SIK3: variants seen among roughly 807,000 people sequenced by gnomAD.
SIK3 encodes SIK family kinase 3.
In SIK3, 28 loss-of-function variants were observed where a neutral mutation model predicts 144.2. That is an observed-to-expected ratio of 0.19 (90% CI 0.14 to 0.27). The LOEUF (loss-of-function observed/expected upper bound fraction) is 0.27, where lower values mean the gene tolerates loss of function less well. SIK3 is among the 10% of genes least tolerant of loss of function. The pLI is 1.00. For missense variants in SIK3, 1,319 were observed against 1,776.0 expected, an observed-to-expected ratio of 0.74 and a Z score of 4.62; for synonymous variants, 686 against 676.3, an observed-to-expected ratio of 1.01 and a Z score of -0.22.
intron 3 of SIK3, among the ~76,000 whole-genome samples, chr11:116,927,718 A>G (rs1447560507): frequency 6.6e-6 from 1 of 152,206 alleles, no homozygotes; most frequent in Non-Finnish European, 1.5e-5. Context: ...CACAGACATG[A>G]GCAAACACAC....
chr11:117,056,705 T>G (rs1237480312), intron 1 of SIK3, among the ~76,000 whole-genome samples: 1 of 152,100 alleles, frequency 6.6e-6, no homozygotes, highest in East Asian at 1.9e-4. Context: ...TGGAGGATGG[T>G]CTGGCCAACT....
intron 1 of SIK3, among the ~76,000 whole-genome samples, chr11:117,023,621 A>AAAAATATATATATATATAT (rs754624841): frequency 9.4e-5 from 9 of 95,398 alleles, no homozygotes; most frequent in African/African-American, 2.6e-4. Flanking sequence ...AAAAAAAAAA[A>AAAAATATATATATATATAT]ATATATATAT....
At chr11:117,050,725 TAAATA>T (rs1183935053) in intron 1 of SIK3, among the ~76,000 whole-genome samples, 1 of 151,944 alleles carries the variant, frequency 6.6e-6, no homozygotes, top group African/African-American at 2.4e-5. Context: ...AACAGATAAA[TAAATA>T]AATAGTTTTT....
chr11:117,022,541 G>A (rs931438824), intron 1 of SIK3, among the ~76,000 whole-genome samples: 13 of 152,084 alleles, frequency 8.5e-5, no homozygotes, highest in African/African-American at 2.9e-4. Context: ...ACACCACTAA[G>A]CAGAAAGGAG....
At chr11:117,082,246 A>AGTC (rs1220721423) in intron 1 of SIK3, among the ~76,000 whole-genome samples, 6 of 152,344 alleles carry the variant, frequency 3.9e-5, no homozygotes, top group Non-Finnish European at 8.8e-5. Flanking sequence ...TTAAACAAGG[A>AGTC]GTCACCACAT....
intron 1 of SIK3, among the ~76,000 whole-genome samples, chr11:116,974,889 T>A (rs1949891874): frequency 6.6e-6 from 1 of 152,192 alleles, no homozygotes; most frequent in Non-Finnish European, 1.5e-5. Context: ...TGGCCTGTAC[T>A]GCCAGAAAGC....
chr11:116,950,773 A>G (rs1948897493), intron 3 of SIK3, among the ~76,000 whole-genome samples: 1 of 151,716 alleles, frequency 6.6e-6, no homozygotes, highest in Non-Finnish European at 1.5e-5. Context: ...CTTTTGACAG[A>G]AGGAAGCCCT....
chr11:116,997,207 T>C (rs1277110962), intron 1 of SIK3, among the ~76,000 whole-genome samples: 2 of 152,210 alleles, frequency 1.3e-5, no homozygotes, highest in Non-Finnish European at 2.9e-5. Flanking sequence ...CCTTGGCAAC[T>C]AGTTTAAGAG....
At chr11:116,882,517 C>T (rs904879352) in intron 6 of SIK3, among the ~76,000 whole-genome samples, 1 of 152,130 alleles carries the variant, frequency 6.6e-6, no homozygotes, top group African/African-American at 2.4e-5. Context: ...CAGAACATGG[C>T]AAAACAATCC....
chr11:117,005,014 A>G (rs1950988467), intron 1 of SIK3, among the ~76,000 whole-genome samples: 1 of 152,238 alleles, frequency 6.6e-6, no homozygotes, highest in Non-Finnish European at 1.5e-5. Flanking sequence ...TTAAGGGCAC[A>G]GCCAGGCAGG....
chr11:116,927,231 T>C lies in SIK3; in HGVS notation c.604A>G (p.Ile202Val). The change falls in exon 4 of 25, where the codon ATC becomes GTC. Residue 202 changes from isoleucine to valine, a missense_variant. Ile to Val is a conservative substitution (Grantham distance 29, BLOSUM62 3). Transcript: ENST00000445177. ...ENLLLDANLN[I>V]KIADFGFSNL... ...GTACAGTTCTCACCTGCTATTTTGA[T>C]ATTCAGATTGGCATCCAGAAGTAAA... 6.2e-7 allele frequency: 1 copy of C among 1,613,784 alleles called. No individual in the cohort carries two copies. The highest frequency in any genetic ancestry group is 2.2e-5 in the East Asian group (1 of 44,892).
intron 1 of SIK3, among the ~76,000 whole-genome samples, chr11:117,010,019 T>C (rs1951193260): frequency 6.6e-6 from 1 of 151,510 alleles, no homozygotes; most frequent in African/African-American, 2.5e-5. Context: ...TATTACCAGT[T>C]CATCCCCAAA....
At chr11:116,974,076 G>C (rs1394774309) in intron 1 of SIK3, among the ~76,000 whole-genome samples, 1 of 152,202 alleles carries the variant, frequency 6.6e-6, no homozygotes, top group African/African-American at 2.4e-5. Flanking sequence ...ATTACTGTAA[G>C]ATAATAAGAA....
chr11:116,855,083 C>CAAAAAAACAAAAA (rs1942781339), intron 21 of SIK3, among the ~76,000 whole-genome samples: 1 of 82,152 alleles, frequency 1.2e-5, no homozygotes, highest in African/African-American at 7.2e-5. Context: ...GAGACTCTGC[C>CAAAAAAACAAAAA]AAAAAAAAAA....
chr11:117,075,604 C>T (rs557986305), intron 1 of SIK3, among the ~76,000 whole-genome samples: 118 of 149,060 alleles, frequency 7.9e-4, no homozygotes, highest in African/African-American at 2.7e-3. Context: ...TGCAGTGGCA[C>T]GATCTCGGCT....
chr11:116,865,473 T>C (rs560963795), intron 15 of SIK3, among the ~76,000 whole-genome samples: 7 of 152,272 alleles, frequency 4.6e-5, no homozygotes, highest in African/African-American at 1.7e-4. Flanking sequence ...TTGATTTTAT[T>C]TTTATTTGCA....
chr11:116,969,578 A>G (rs1949696079), intron 1 of SIK3, among the ~76,000 whole-genome samples: 1 of 151,944 alleles, frequency 6.6e-6, no homozygotes. Context: ...TAAGAGATCA[A>G]GTTGGCATTT....
chr11:117,022,303 A>G (rs886115124), intron 1 of SIK3, among the ~76,000 whole-genome samples: 14 of 152,178 alleles, frequency 9.2e-5, no homozygotes, highest in African/African-American at 2.9e-4. Context: ...TGTATATTTA[A>G]TATCTATGCA....
intron 1 of SIK3, among the ~76,000 whole-genome samples, chr11:116,989,273 T>C (rs1950423719): frequency 6.6e-6 from 1 of 152,164 alleles, no homozygotes; most frequent in South Asian, 2.1e-4. Context: ...GCTTTTTAAA[T>C]CAGTAAGGTC....
Sources: allele counts gnomAD v4.1 joint callset (sites outside exome capture counted in the v4.1 genomes callset), GRCh38; gene constraint gnomAD v4.1.1; transcripts MANE v1.5; gene names NCBI Gene and HGNC (gene_info 2026-07-23, HGNC 2026-07-21).